The following RALGPS1 variants were observed in gnomAD, a reference collection of about 807,000 sequenced individuals.
The protein encoded by RALGPS1 is Ral GEF with PH domain and SH3 binding motif 1, also known as ras-specific guanine nucleotide-releasing factor RalGPS1.
In RALGPS1, 19 loss-of-function variants were observed where a neutral mutation model predicts 78.8. The ratio of observed to expected loss-of-function variants is 0.24; its 90% CI spans 0.17 to 0.35. The LOEUF (loss-of-function observed/expected upper bound fraction) is 0.35. Ranked by LOEUF, RALGPS1 falls within the 10% of genes least tolerant of loss-of-function variation. The probability of loss-of-function intolerance (pLI) is 1.00; values close to 1 mark genes in which losing one functional copy is unlikely to be tolerated. For synonymous variants in RALGPS1, 228 were observed against 256.3 expected (o/e 0.89, Z 1.06); for missense variants, 454 against 688.3 (o/e 0.66, Z 3.81).
intron 11 of RALGPS1, among the ~76,000 whole-genome samples, chr9:127,179,988 C>A (rs547973450): frequency 6.6e-6 from 1 of 152,164 alleles, no homozygotes; most frequent in African/African-American, 2.4e-5. Flanking sequence ...AGAATGACTT[C>A]ACAGGCAGTT....
intron 9 of RALGPS1, among the ~76,000 whole-genome samples, chr9:127,166,487 C>G (rs992297861): frequency 6.6e-6 from 1 of 152,196 alleles, no homozygotes; most frequent in African/African-American, 2.4e-5. Flanking sequence ...GAGCTCAGGT[C>G]TTTCTGGCCC....
chr9:127,215,494 G>A (rs2062528202), intron 18 of RALGPS1, among the ~76,000 whole-genome samples: 2 of 152,198 alleles, frequency 1.3e-5, no homozygotes, highest in Non-Finnish European at 2.9e-5. Flanking sequence ...TTCTCTTACT[G>A]TCTCCGTTTT....
At chr9:127,190,022 C>A (rs1034643207) in intron 11 of RALGPS1, among the ~76,000 whole-genome samples, 1 of 152,126 alleles carries the variant, frequency 6.6e-6, no homozygotes, top group Non-Finnish European at 1.5e-5. Flanking sequence ...CCTCACTATC[C>A]GTATTTAATA....
chr9:127,064,184 A>G (rs2049472925), intron 7 of RALGPS1, among the ~76,000 whole-genome samples: 1 of 152,188 alleles, frequency 6.6e-6, no homozygotes, highest in African/African-American at 2.4e-5. Flanking sequence ...TTACTTTCTT[A>G]TCTCTTTTCT....
At chr9:127,044,511 C>T (rs181141314) in intron 5 of RALGPS1, among the ~76,000 whole-genome samples, 490 of 152,302 alleles carry the variant, frequency 3.2e-3, no homozygotes, top group Non-Finnish European at 4.9e-3. Flanking sequence ...CCTCCTCGGC[C>T]TCCCAAAGTG....
At chr9:127,034,613 G>C in intron 5 of RALGPS1, 99 bp downstream of exon 5, 1 of 1,034,046 alleles carries the variant, frequency 9.7e-7, no homozygotes, top group Non-Finnish European at 1.5e-6. Context: ...CAGGCTCCCA[G>C]CTGGCCCCAG....
At chr9:126,946,792 C>T (rs757380885) in intron 1 of RALGPS1, among the ~76,000 whole-genome samples, 4 of 152,070 alleles carry the variant, frequency 2.6e-5, no homozygotes, top group Non-Finnish European at 5.9e-5. Flanking sequence ...TCCCTTTAAG[C>T]CCACCCCCAC....
intron 8 of RALGPS1, among the ~76,000 whole-genome samples, chr9:127,158,661 A>T (rs1348812802): frequency 6.6e-6 from 1 of 151,136 alleles, no homozygotes; most frequent in African/African-American, 2.4e-5. Context: ...TTATATTTTA[A>T]ATTGTTTTCT....
At chr9:127,140,325 G>A (rs1056878425) in intron 8 of RALGPS1, among the ~76,000 whole-genome samples, 6 of 152,184 alleles carry the variant, frequency 3.9e-5, no homozygotes, top group Admixed American at 2.6e-4. Flanking sequence ...AGAGCCGTCC[G>A]GGCACTTGTG....
At chr9:127,057,859 C>G (rs2048873504) in intron 7 of RALGPS1, among the ~76,000 whole-genome samples, 1 of 152,106 alleles carries the variant, frequency 6.6e-6, no homozygotes, top group South Asian at 2.1e-4. Flanking sequence ...AAGAAGTGAT[C>G]AATAAATGTT....
intron 8 of RALGPS1, chr9:127,108,353 T>C: frequency 6.2e-7 from 1 of 1,611,980 alleles, no homozygotes; most frequent in South Asian, 1.1e-5. Flanking sequence ...ATGTTGCGGC[T>C]CTCCTTGCGC....
Position 127,073,187 on chromosome 9 carries a change from TCTAA to T in RALGPS1, c.610+3835_610+3838del, listed in dbSNP as rs569329529. Among the ~76,000 whole-genome samples the T allele has an allele frequency of 4.6e-5, 7 of 152,316 alleles. No individual in the cohort carries two copies. The South Asian group carries it at 1.0e-3, about 23-fold the overall frequency. On this transcript the variant is annotated intron_variant, in intron 8 of 18. Coordinates refer to ENST00000259351, the MANE Select transcript of RALGPS1 (RefSeq NM_014636.3). ...TGAACATTGGAACTTATACCTTCTC[TCTAA>T]CTATGTTTGTATCCATTAACCAACC...
intron 3 of RALGPS1, among the ~76,000 whole-genome samples, chr9:126,976,858 T>C (rs1280298953): frequency 6.6e-6 from 1 of 152,234 alleles, no homozygotes; most frequent in African/African-American, 2.4e-5. Context: ...GTTCAGTTCA[T>C]GCCTTGGTCT....
rs569969027 is a variant in RALGPS1 at position 126,948,803 on chromosome 9, A to C, written c.-65-13422A>C. On this transcript the variant is annotated intron_variant, in intron 1 of 18. Coordinates refer to ENST00000259351, the MANE Select transcript of RALGPS1 (RefSeq NM_014636.3). Reference sequence around the variant, plus strand: ...CTGGCCCTTCTTTCCGTGCTTGCTCAATCTCCCAAGTTCTTTTTTTTTTTT... The same window carrying C: ...CTGGCCCTTCTTTCCGTGCTTGCTCCATCTCCCAAGTTCTTTTTTTTTTTT... 4.7e-5 allele frequency among the ~76,000 whole-genome samples: 7 copies of C among 149,074 alleles called. 1 individual carries two copies. The South Asian group carries it at 1.3e-3, about 27-fold the overall frequency.
chr9:127,093,174 G>A (rs1424528577), intron 8 of RALGPS1, among the ~76,000 whole-genome samples: 3 of 152,290 alleles, frequency 2.0e-5, no homozygotes, highest in Non-Finnish European at 4.4e-5. Context: ...GGGGAAGAAC[G>A]ATGTATGACT....
intron 2 of RALGPS1, among the ~76,000 whole-genome samples, chr9:126,963,449 G>T (rs1305378870): frequency 3.3e-5 from 5 of 152,044 alleles, no homozygotes; most frequent in Non-Finnish European, 7.3e-5. Context: ...GTACATATAT[G>T]TGTATCCAGC....
At chr9:127,134,688 T>TTTG (rs980176562) in intron 8 of RALGPS1, among the ~76,000 whole-genome samples, 5 of 152,168 alleles carry the variant, frequency 3.3e-5, no homozygotes, top group Non-Finnish European at 5.9e-5. Context: ...TCATTTTGTT[T>TTTG]TTGTTGTTGT....
chr9:127,178,220 C>T (rs1172500394), intron 11 of RALGPS1: 4 of 399,810 alleles, frequency 1.0e-5, no homozygotes, highest in Admixed American at 7.4e-5. Flanking sequence ...CCTCAGTCTG[C>T]CACCAGAGCC....
intron 8 of RALGPS1, among the ~76,000 whole-genome samples, chr9:127,104,930 A>G (rs2054073715): frequency 6.6e-6 from 1 of 152,214 alleles, no homozygotes; most frequent in Admixed American, 6.5e-5. Context: ...AACCTGCCCC[A>G]AGCTCTCTGA....
Sources: allele counts gnomAD v4.1 joint callset (sites outside exome capture counted in the v4.1 genomes callset), GRCh38; gene constraint gnomAD v4.1.1; transcripts MANE v1.5; gene names NCBI Gene and HGNC (gene_info 2026-07-23, HGNC 2026-07-21).